Variants in GYPB observed in about 807,000 individuals in gnomAD.
The protein encoded by GYPB is glycophorin-B.
A neutral mutation model predicts 15.3 loss-of-function variants in GYPB; 13 were observed. That is an observed-to-expected ratio of 0.85 (90% confidence interval 0.55 to 1.35). The LOEUF (loss-of-function observed/expected upper bound fraction) is 1.35. Among genes scored for constraint, GYPB ranks in the 40% most tolerant of loss-of-function variants. The pLI is 0.00. For missense variants in GYPB, 131 were observed against 108.3 expected (o/e 1.21, Z -0.93); for synonymous variants, 38 against 36.9 (o/e 1.03, Z -0.11).
chr4:144,015,907 T>G (rs1208798889), intron 1 of GYPB, among the ~76,000 whole-genome samples: 4 of 151,104 alleles, frequency 2.6e-5, no homozygotes, highest in African/African-American at 9.9e-5. Context: ...GTTAAATGAT[T>G]TTTCATGGCT....
At chr4:144,010,972 A>T (rs1232949398) in intron 1 of GYPB, among the ~76,000 whole-genome samples, 2 of 151,738 alleles carry the variant, frequency 1.3e-5, no homozygotes, top group South Asian at 2.1e-4. Context: ...GAATCATATA[A>T]TAAAATATGA....
chr4:144,010,810 G>A (rs1356151347), intron 1 of GYPB, among the ~76,000 whole-genome samples: 1 of 151,302 alleles, frequency 6.6e-6, no homozygotes. Flanking sequence ...TATGTGTGCT[G>A]CACCACTAAA....
intron 1 of GYPB, among the ~76,000 whole-genome samples, chr4:144,005,404 C>T (rs1273371248): frequency 6.6e-6 from 1 of 151,958 alleles, no homozygotes; most frequent in Non-Finnish European, 1.5e-5. Flanking sequence ...CAAAAAAGGA[C>T]AACTAAATTC....
At chr4:144,009,113 C>G (rs1211484172) in intron 1 of GYPB, among the ~76,000 whole-genome samples, 3 of 151,486 alleles carry the variant, frequency 2.0e-5, no homozygotes, top group Admixed American at 2.0e-4. Context: ...CTTCCTCCCT[C>G]AATTCACATT....
intron 1 of GYPB, 101 bp downstream of exon 1, chr4:144,019,150 T>A: frequency 6.4e-7 from 1 of 1,561,508 alleles, no homozygotes; most frequent in Admixed American, 1.8e-5. Flanking sequence ...ACTACTCATT[T>A]ATTGATTTAA....
chr4:144,004,215 A>T (rs1236855953), intron 1 of GYPB, among the ~76,000 whole-genome samples: 1 of 151,862 alleles, frequency 6.6e-6, no homozygotes, highest in Non-Finnish European at 1.5e-5. Flanking sequence ...TAAACATATA[A>T]ATGCCCTAAA....
At position 144,019,296 on chromosome 4, in the gene GYPB, C is replaced by A. The variant is rs1317244240; in HGVS notation, c.-9G>T. The A allele has an allele frequency of 1.2e-6, 2 of 1,611,654 alleles. No homozygotes were observed. Among genetic ancestry groups the A allele is most frequent in the Admixed American group, 1.7e-5 (1 of 59,792 alleles). Reference sequence around the variant, plus strand: ...ATTATTTTTCCATACATCCTGAGATCATGAGCTGGTTCCTGAAGTTAGTGC... The same window carrying A: ...ATTATTTTTCCATACATCCTGAGATAATGAGCTGGTTCCTGAAGTTAGTGC... On this transcript the variant is annotated 5_prime_UTR_variant, in exon 1 of 5. It removes an upstream start codon present in the reference 5' UTR. Coordinates refer to ENST00000502664, the MANE Select transcript of GYPB (RefSeq NM_002100.6).
intron 1 of GYPB, among the ~76,000 whole-genome samples, chr4:144,018,015 T>C (rs1307901666): frequency 6.6e-6 from 1 of 151,356 alleles, no homozygotes; most frequent in Non-Finnish European, 1.5e-5. Flanking sequence ...TAATTATTGA[T>C]AGCTACTAAT....
intron 3 of GYPB, 93 bp from the exon 4 acceptor site, chr4:143,997,727 G>T (rs1401465307): frequency 6.8e-6 from 5 of 736,904 alleles, no homozygotes; most frequent in African/African-American, 3.6e-5. Context: ...ACATCACCTT[G>T]CCTTTTAATA....
intron 4 of GYPB, among the ~76,000 whole-genome samples, chr4:143,996,981 A>C (rs934755030): frequency 8.6e-5 from 13 of 150,786 alleles, no homozygotes; most frequent in Non-Finnish European, 1.6e-4. Flanking sequence ...ATCACAGCTC[A>C]CTGCAGCCTT....
In GYPB at chr4:144,009,677, G is replaced by A. The variant is rs570830144; in HGVS notation, c.38-8394C>T. On this transcript the variant is annotated intron_variant, in intron 1 of 4. Transcript: ENST00000502664. ...CACCCAGGCTGGAGTGCAGTGGCCC[G>A]ATCTCCGCTCACTGCAAACTCCGCC... 1.6e-4 allele frequency among the ~76,000 whole-genome samples: 18 copies of A among 110,614 alleles called. 1 individual carries two copies. The Admixed American group carries it at 1.7e-3, about 10-fold the overall frequency. 72.6% of individuals were successfully genotyped at this position (110,614 alleles called of 152,430 possible).
intron 1 of GYPB, 117 bp from the exon 2 acceptor site, chr4:144,001,400 T>G: frequency 1.5e-5 from 23 of 1,513,272 alleles, no homozygotes; most frequent in Non-Finnish European, 2.0e-5. Flanking sequence ...CTAAGCGCTT[T>G]AGTATATATC....
chr4:144,013,155 A>G (rs1383503687), intron 1 of GYPB, among the ~76,000 whole-genome samples: 1 of 151,414 alleles, frequency 6.6e-6, no homozygotes, highest in Non-Finnish European at 1.5e-5. Flanking sequence ...GCAGCCAAAA[A>G]ACACATGAAA....
chr4:144,016,135 T>C (rs1579072674), intron 1 of GYPB, among the ~76,000 whole-genome samples: 1 of 110,000 alleles, frequency 9.1e-6, no homozygotes, highest in Non-Finnish European at 1.8e-5. Flanking sequence ...TCTTCTTGGA[T>C]CCCTGAAAAA....
intron 1 of GYPB, among the ~76,000 whole-genome samples, chr4:144,011,662 C>T (rs1267977092): frequency 6.6e-6 from 1 of 151,198 alleles, no homozygotes; most frequent in Non-Finnish European, 1.5e-5. Context: ...AAAAAACAAA[C>T]ACAGAAAGGA....
chr4:144,018,039 CTTATA>C (rs1358970614), intron 1 of GYPB, among the ~76,000 whole-genome samples: 1 of 151,166 alleles, frequency 6.6e-6, no homozygotes, highest in Non-Finnish European at 1.5e-5. Context: ...TTTAATATTA[CTTATA>C]TTATTAATAC....
rs374329765 is a variant in GYPB, at chr4:144,001,149, C to T, written c.136+36G>A. The T allele has an allele frequency of 9.9e-6, 16 of 1,612,456 alleles. 1 individual carries two copies. The highest frequency in any genetic ancestry group is 8.9e-5 in the East Asian group (4 of 44,824). On this transcript the variant is annotated intron_variant, in intron 2 of 4. Transcript: ENST00000502664. ...TAGGGTTGCATCACAAAAATCATTTCGGAGCCACAATTTAAAAATAAAAAT... is the reference window on the plus strand; with the variant it reads ...TAGGGTTGCATCACAAAAATCATTTTGGAGCCACAATTTAAAAATAAAAAT...
rs1374957211 is a variant in GYPB at position 144,001,109 on chromosome 4, A to G, written c.136+76T>C. On this transcript the variant is annotated intron_variant, in intron 2 of 4. Transcript: ENST00000502664. Reference sequence around the variant, plus strand: ...AGTGTTTGTCAGTTTCTCTGCAGTGACAGGTCCCCTAAAATAGGGTTGCAT... The same window carrying G: ...AGTGTTTGTCAGTTTCTCTGCAGTGGCAGGTCCCCTAAAATAGGGTTGCAT... 1.9e-6 allele frequency: 3 copies of G among 1,610,140 alleles called. No individual in the cohort carries two copies. In the East Asian group the frequency reaches 6.7e-5, roughly 36 times the overall value.
At position 144,009,699 on chromosome 4, in the gene GYPB, C is replaced by T. The variant is rs567999060; in HGVS notation, c.38-8416G>A. On this transcript the variant is annotated intron_variant, in intron 1 of 4. Transcript: ENST00000502664. ...CCCGATCTCCGCTCACTGCAAACTC[C>T]GCCTCCCGGGTTCACTCCATTCTCC... Among the ~76,000 whole-genome samples the T allele has an allele frequency of 1.8e-3, 249 of 139,650 alleles. 7 individuals carry two copies. The highest frequency in any genetic ancestry group is 6.3e-3 in the African/African-American group (228 of 36,414). 91.6% of individuals were successfully genotyped at this position (139,650 alleles called of 152,430 possible). A position where few individuals can be genotyped will look rare whatever the true frequency, so the allele number is the denominator to read the frequency against.
Sources: gnomAD v4.1 joint callset for allele counts (sites outside exome capture counted in the v4.1 genomes callset) on GRCh38, gnomAD v4.1.1 for gene constraint, MANE v1.5 for transcripts, NCBI Gene and HGNC (gene_info 2026-07-23, HGNC 2026-07-21) for gene names.